CNTNAP2: variants seen among roughly 807,000 people sequenced by gnomAD.
CNTNAP2 encodes the protein contactin associated protein 2.
A neutral mutation model predicts 155.2 loss-of-function variants in CNTNAP2; 98 were observed. The ratio of observed to expected loss-of-function variants is 0.63; its 90% CI spans 0.54 to 0.75. The LOEUF (loss-of-function observed/expected upper bound fraction) is 0.75. Among genes scored for constraint, CNTNAP2 ranks in the 30% least tolerant of loss-of-function variants. The probability of loss-of-function intolerance (pLI) is 0.00; values close to 1 mark genes in which losing one functional copy is unlikely to be tolerated. For missense variants in CNTNAP2, 1,727 were observed against 1,688.1 expected, an observed-to-expected ratio of 1.02 and a Z score of -0.40; for synonymous variants, 651 against 631.2, an observed-to-expected ratio of 1.03 and a Z score of -0.47.
intron 13 of CNTNAP2, among the ~76,000 whole-genome samples, chr7:147,785,836 A>G (rs867410056): frequency 1.2e-4 from 18 of 152,264 alleles, no homozygotes; most frequent in Middle Eastern, 6.8e-3. Context: ...TACTAAAAAT[A>G]CAAAAATTAG....
intron 1 of CNTNAP2, among the ~76,000 whole-genome samples, chr7:146,406,947 T>C (rs1795800531): frequency 6.6e-6 from 1 of 152,174 alleles, no homozygotes; most frequent in Non-Finnish European, 1.5e-5. Flanking sequence ...AAAAAGCTGT[T>C]ACAAAGTTAG....
chr7:148,323,161 A>G (rs1293427386), intron 21 of CNTNAP2, among the ~76,000 whole-genome samples: 5 of 152,176 alleles, frequency 3.3e-5, no homozygotes, highest in African/African-American at 1.2e-4. Flanking sequence ...CGAGGTTCAT[A>G]AAGGTTAAAT....
intron 1 of CNTNAP2, among the ~76,000 whole-genome samples, chr7:146,717,735 A>G (rs750784300): frequency 5.9e-5 from 9 of 152,062 alleles, no homozygotes; most frequent in Non-Finnish European, 7.4e-5. Context: ...GACTGGGGAA[A>G]TGGTAGAAAC....
At chr7:146,443,584 G>C (rs1312455320) in intron 1 of CNTNAP2, among the ~76,000 whole-genome samples, 1 of 152,158 alleles carries the variant, frequency 6.6e-6, no homozygotes, top group African/African-American at 2.4e-5. Flanking sequence ...CTAACAACCA[G>C]TTTATAACAT....
intron 1 of CNTNAP2, among the ~76,000 whole-genome samples, chr7:146,739,000 G>A (rs1382226663): frequency 6.6e-6 from 1 of 151,422 alleles, no homozygotes; most frequent in Non-Finnish European, 1.5e-5. Flanking sequence ...TCGTCTCTTT[G>A]TTTCTGACTT....
At chr7:147,985,038 C>G (rs1198734571) in intron 15 of CNTNAP2, among the ~76,000 whole-genome samples, 1 of 151,950 alleles carries the variant, frequency 6.6e-6, no homozygotes, top group East Asian at 1.9e-4. Context: ...TCGCTTGAAC[C>G]CAGGAGGCAG....
At chr7:148,414,099 T>TTTCCCCCCCCC (rs1799921560) in intron 23 of CNTNAP2, among the ~76,000 whole-genome samples, 1 of 115,176 alleles carries the variant, frequency 8.7e-6, no homozygotes, top group African/African-American at 3.3e-5. Flanking sequence ...TTAGACAGAG[T>TTTCCCCCCCCC]CCCCCCCCCC....
chr7:146,668,459 T>TGG (rs1800239404), intron 1 of CNTNAP2, among the ~76,000 whole-genome samples: 3 of 151,722 alleles, frequency 2.0e-5, no homozygotes, highest in South Asian at 2.1e-4. Context: ...TGTGTGTGTG[T>TGG]GTGTGTGTGT....
intron 11 of CNTNAP2, among the ~76,000 whole-genome samples, chr7:147,526,955 A>G (rs902963870): frequency 2.0e-5 from 3 of 151,758 alleles, no homozygotes; most frequent in African/African-American, 7.3e-5. Context: ...GAACAGGTTA[A>G]CATTAACCAA....
chr7:147,338,247 G>A (rs992913743), intron 9 of CNTNAP2, among the ~76,000 whole-genome samples: 4 of 152,088 alleles, frequency 2.6e-5, no homozygotes, highest in Admixed American at 6.6e-5. Flanking sequence ...GATCTCATGA[G>A]AACTCACTAT....
intron 1 of CNTNAP2, among the ~76,000 whole-genome samples, chr7:146,176,009 A>G (rs1052514389): frequency 1.3e-5 from 2 of 152,210 alleles, no homozygotes; most frequent in Non-Finnish European, 2.9e-5. Flanking sequence ...TGTGTCTCTC[A>G]CTTTCCACAG....
chr7:146,117,078 A>G, intron 1 of CNTNAP2, 105 bp downstream of exon 1: 1 of 958,876 alleles, frequency 1.0e-6, no homozygotes. Context: ...TGGCACCCTG[A>G]TGTGTTTGTG....
chr7:148,415,393 T>TCGTGCTTCTCCTTTCTCCGTC, intron 23 of CNTNAP2, 24 bp from the exon 24 acceptor site: 1 of 1,610,856 alleles, frequency 6.2e-7, no homozygotes, highest in Non-Finnish European at 8.5e-7. Context: ...GTCTAACCTC[T>TCGTGCTTCTCCTTTCTCCGTC]CGTGCTTCTC....
At position 147,127,656 on chromosome 7, in the gene CNTNAP2, A is replaced by G. The variant is rs182619891; in HGVS notation, c.940-1037A>G. On this transcript the variant is annotated intron_variant, in intron 6 of 23. Transcript: ENST00000361727. Reference sequence around the variant, plus strand: ...AACCATTTAGTGAGTTCTAACCCCAATCCCTAATGTAACTAATGATAGGAT... The same window carrying G: ...AACCATTTAGTGAGTTCTAACCCCAGTCCCTAATGTAACTAATGATAGGAT... 3.9e-5 allele frequency among the ~76,000 whole-genome samples: 6 copies of G among 152,222 alleles called. No individual in the cohort carries two copies. The East Asian group carries it at 9.6e-4, about 24-fold the overall frequency.
At chr7:147,195,363 C>T (rs1328102978) in intron 8 of CNTNAP2, among the ~76,000 whole-genome samples, 1 of 152,108 alleles carries the variant, frequency 6.6e-6, no homozygotes, top group Non-Finnish European at 1.5e-5. Flanking sequence ...GTGATGCCTC[C>T]AGCTTTGTTC....
At chr7:147,041,390 C>A (rs745589787) in intron 3 of CNTNAP2, among the ~76,000 whole-genome samples, 1 of 151,974 alleles carries the variant, frequency 6.6e-6, no homozygotes, top group African/African-American at 2.4e-5. Context: ...TTTTTAAGTC[C>A]TAGAGAGGCT....
intron 13 of CNTNAP2, among the ~76,000 whole-genome samples, chr7:147,709,956 C>T (rs1192155735): frequency 1.3e-5 from 2 of 151,956 alleles, no homozygotes; most frequent in African/African-American, 4.8e-5. Context: ...AAATCTTTTG[C>T]CTTTTGCTTG....
rs1431069822 is a variant in CNTNAP2, at chr7:148,117,997, A to G, written c.2384-121A>G. 11 of 1,144,816 alleles carry G rather than the reference A, an allele frequency of 9.6e-6. No homozygotes were observed. In the East Asian group the frequency reaches 2.6e-4, roughly 27 times the overall value. 70.9% of individuals were successfully genotyped at this position (1,144,816 alleles called of 1,614,324 possible). On this transcript the variant is annotated intron_variant, in intron 15 of 23. Transcript: ENST00000361727. ...GATTTGGTCCAATGTTGTTCAACAG[A>G]ATGAGAGAAAATAATGACTATTGCT...
chr7:146,192,657 A>G (rs753358368), intron 1 of CNTNAP2, among the ~76,000 whole-genome samples: 1 of 152,158 alleles, frequency 6.6e-6, no homozygotes, highest in African/African-American at 2.4e-5. Context: ...CGTGGGAATT[A>G]TGGGAGCTAC....
Sources: allele counts gnomAD v4.1 joint callset (sites outside exome capture counted in the v4.1 genomes callset), GRCh38; gene constraint gnomAD v4.1.1; transcripts MANE v1.5; gene names NCBI Gene and HGNC (gene_info 2026-07-23, HGNC 2026-07-21).